Variants in PRKAG2 observed in about 807,000 individuals in gnomAD.
PRKAG2 encodes 5'-AMP-activated protein kinase subunit gamma-2.
PRKAG2 carries 26 observed loss-of-function variants against 69.6 expected under a neutral mutation model. The ratio of observed to expected loss-of-function variants is 0.37; its 90% CI spans 0.27 to 0.52. The LOEUF is 0.52. PRKAG2 is among the 20% of genes least tolerant of loss of function. The pLI is 0.90. For missense variants in PRKAG2, 557 were observed against 740.0 expected (o/e 0.75, Z 2.87); for synonymous variants, 293 against 285.0 (o/e 1.03, Z -0.28).
chr7:151,566,456 T>C (rs1806280863), intron 11 of PRKAG2: 1 of 314,076 alleles, frequency 3.2e-6, no homozygotes. Context: ...ATTAAAAGAA[T>C]CTTTAAAAAT....
At chr7:151,783,396 A>C (rs1481815247) in intron 2 of PRKAG2, among the ~76,000 whole-genome samples, 1 of 152,094 alleles carries the variant, frequency 6.6e-6, no homozygotes, top group Non-Finnish European at 1.5e-5. Context: ...GCTGCAGTGC[A>C]CTGGCGCAAT....
At chr7:151,726,622 T>C (rs1250441460) in intron 3 of PRKAG2, among the ~76,000 whole-genome samples, 1 of 151,784 alleles carries the variant, frequency 6.6e-6, no homozygotes, top group African/African-American at 2.4e-5. Context: ...TCTGCAGCAA[T>C]GAAATGGAGT....
At chr7:151,739,438 CTTTATTTATTTA>C (rs58335250) in intron 3 of PRKAG2, among the ~76,000 whole-genome samples, 10 of 147,350 alleles carry the variant, frequency 6.8e-5, no homozygotes, top group South Asian at 2.2e-4. Flanking sequence ...ATGACCCAGC[CTTTATTTATTTA>C]TTTATTTATT....
intron 5 of PRKAG2, among the ~76,000 whole-genome samples, chr7:151,613,615 AG>A (rs1819397009): frequency 6.6e-6 from 1 of 151,656 alleles, no homozygotes; most frequent in Non-Finnish European, 1.5e-5. Context: ...CTCCTGACTC[AG>A]CCTCCCAAGC....
intron 4 of PRKAG2, among the ~76,000 whole-genome samples, chr7:151,643,224 T>C (rs528921772): frequency 1.3e-5 from 2 of 152,354 alleles, no homozygotes; most frequent in South Asian, 2.1e-4. Context: ...TGTCTTATAA[T>C]ACATTGCAAA....
At chr7:151,843,446 T>C (rs1268784703) in intron 1 of PRKAG2, among the ~76,000 whole-genome samples, 2 of 152,208 alleles carry the variant, frequency 1.3e-5, no homozygotes, top group Admixed American at 6.5e-5. Flanking sequence ...TTGTTCTGAA[T>C]TTCAAATCTG....
rs944869533 is a variant in PRKAG2 at position 151,756,257 on chromosome 7, A to T, written c.466+24895T>A. On this transcript the variant is annotated intron_variant, in intron 3 of 15. Coordinates refer to ENST00000287878, the MANE Select transcript of PRKAG2 (RefSeq NM_016203.4). The surrounding 1 kb of genome is among the most constrained non-coding windows in gnomAD (Gnocchi z 4.9). ...GAGCAATGCCCCAGGAACACACACC[A>T]CACACGTGACTGCAACGAAGGAAGT... is the stretch of plus-strand genomic sequence containing the variant. Among the ~76,000 whole-genome samples the T allele has an allele frequency of 1.3e-5, 2 of 152,114 alleles. No homozygotes were observed. The highest frequency in any genetic ancestry group is 4.8e-5 in the African/African-American group (2 of 41,418).
intron 4 of PRKAG2, among the ~76,000 whole-genome samples, chr7:151,643,982 T>A (rs771251207): frequency 8.5e-5 from 13 of 152,250 alleles, no homozygotes; most frequent in Non-Finnish European, 1.6e-4. Flanking sequence ...AATTCAGGAA[T>A]GGAAAACGAA....
chr7:151,857,945 C>G (rs1275919608), intron 1 of PRKAG2, among the ~76,000 whole-genome samples: 1 of 152,218 alleles, frequency 6.6e-6, no homozygotes, highest in Non-Finnish European at 1.5e-5. Flanking sequence ...TGGCTGCTCC[C>G]TAAGGGGTAC....
intron 5 of PRKAG2, among the ~76,000 whole-genome samples, chr7:151,620,853 G>A (rs1370346927): frequency 2.0e-5 from 3 of 151,852 alleles, no homozygotes; most frequent in Admixed American, 2.0e-4. Flanking sequence ...GCCCAGGTTG[G>A]TCTCGAACTC....
At chr7:151,603,950 T>TCTG (rs113959971) in intron 5 of PRKAG2, among the ~76,000 whole-genome samples, 6,825 of 150,134 alleles carry the variant, frequency 0.045, 495 homozygotes, top group African/African-American at 0.16. Flanking sequence ...TACTTCAACC[T>TCTG]AGGTATAATC....
chr7:151,631,962 C>T (rs1005653830), intron 5 of PRKAG2, 107 bp downstream of exon 5: 3 of 1,055,694 alleles, frequency 2.8e-6, no homozygotes, highest in African/African-American at 1.7e-5. Context: ...GGACGCAGCT[C>T]GCCGTGGGGC....
intron 3 of PRKAG2, among the ~76,000 whole-genome samples, chr7:151,707,753 C>T (rs7781347): frequency 0.041 from 6,295 of 152,254 alleles, 439 homozygotes; most frequent in African/African-American, 0.14. Flanking sequence ...TGGTCAAGAA[C>T]CAAGTTAAAC....
intron 4 of PRKAG2, among the ~76,000 whole-genome samples, chr7:151,666,127 C>T (rs1043615610): frequency 6.6e-6 from 1 of 152,158 alleles, no homozygotes; most frequent in African/African-American, 2.4e-5. Flanking sequence ...TAACAAATCA[C>T]CAAAAACTCA....
chr7:151,582,412 A>G (rs1471210801), intron 6 of PRKAG2, among the ~76,000 whole-genome samples: 1 of 152,126 alleles, frequency 6.6e-6, no homozygotes, highest in African/African-American at 2.4e-5. Context: ...TCTGCCTCCC[A>G]AAGTGCTGGG....
At chr7:151,592,421 C>T (rs1813420641) in intron 6 of PRKAG2, among the ~76,000 whole-genome samples, 1 of 152,168 alleles carries the variant, frequency 6.6e-6, no homozygotes, top group Admixed American at 6.5e-5. Context: ...GCAGGGAGTC[C>T]AGTCGGCCTC....
chr7:151,651,349 G>A (rs1828464621), intron 4 of PRKAG2, among the ~76,000 whole-genome samples: 1 of 152,228 alleles, frequency 6.6e-6, no homozygotes, highest in Non-Finnish European at 1.5e-5. Flanking sequence ...GCTCATGCCT[G>A]TAATCCCAGC....
chr7:151,646,398 T>C (rs1023118908), intron 4 of PRKAG2, among the ~76,000 whole-genome samples: 1 of 152,238 alleles, frequency 6.6e-6, no homozygotes, highest in Non-Finnish European at 1.5e-5. Context: ...TACATATCTT[T>C]TGTTAAATTT....
At chr7:151,566,021 T>G (rs1315498213) in intron 11 of PRKAG2, 136 bp from the exon 12 acceptor site, 9 of 948,812 alleles carry the variant, frequency 9.5e-6, no homozygotes, top group Middle Eastern at 2.1e-4. Flanking sequence ...GATGCCTGAA[T>G]TAACATGAGA....
Sources: gnomAD v4.1 joint callset for allele counts (sites outside exome capture counted in the v4.1 genomes callset) on GRCh38, gnomAD v4.1.1 for gene constraint, Gnocchi (gnomAD v3.1) non-coding constraint, MANE v1.5 for transcripts, NCBI Gene and HGNC (gene_info 2026-07-23, HGNC 2026-07-21) for gene names.